The following AKIRIN2 variants were observed in gnomAD, a reference collection of about 807,000 sequenced individuals.
AKIRIN2 encodes akirin 2.
A neutral mutation model predicts 29.3 loss-of-function variants in AKIRIN2; 6 were observed. The ratio of observed to expected loss-of-function variants is 0.20; its 90% CI spans 0.11 to 0.40. The LOEUF (loss-of-function observed/expected upper bound fraction) is 0.40, where lower values mean the gene tolerates loss of function less well. AKIRIN2 is among the 10% of genes least tolerant of loss of function. The pLI, the probability that AKIRIN2 is intolerant of heterozygous loss-of-function variation, is 1.00. For missense variants in AKIRIN2, 210 were observed against 276.1 expected (o/e 0.76, Z 1.70); for synonymous variants, 128 against 117.5 (o/e 1.09, Z -0.58).
At chr6:87,692,704 C>G (rs1052367881) in intron 1 of AKIRIN2, among the ~76,000 whole-genome samples, 1 of 152,164 alleles carries the variant, frequency 6.6e-6, no homozygotes, top group Non-Finnish European at 1.5e-5. Context: ...CCCCGCTACT[C>G]AGAAGGCTAA....
chr6:87,679,720 C>T (rs993225261), intron 2 of AKIRIN2, among the ~76,000 whole-genome samples: 2 of 152,198 alleles, frequency 1.3e-5, no homozygotes, highest in African/African-American at 4.8e-5. Flanking sequence ...GCAGCTGCAA[C>T]ATCAGCATCT....
In AKIRIN2 at chr6:87,701,447, C is replaced by T; in HGVS notation, c.235+3G>A. The stretch of plus-strand genomic sequence containing the variant: ...CCCCGGCGGCCGCGGGGCCGGGTCC[C>T]ACCTGTGGTGAGGCGGGAGGAGACG... On this transcript the variant is annotated splice_donor_region_variant and intron_variant, in intron 1 of 4. Transcript: ENST00000257787. The T allele has an allele frequency of 5.2e-6, 8 of 1,531,118 alleles. No individual in the cohort carries two copies. Among genetic ancestry groups the T allele is most frequent in the Non-Finnish European group, 7.0e-6 (8 of 1,140,860 alleles). The allele number at this position is 1,531,118 out of a possible 1,614,324, so 94.8% of individuals were successfully genotyped here.
chr6:87,676,603 A>G (rs1308819974), intron 3 of AKIRIN2, among the ~76,000 whole-genome samples: 57 of 66,774 alleles, frequency 8.5e-4, no homozygotes, highest in Middle Eastern at 0.015. Context: ...AAAAACACAC[A>G]CACACACACA....
rs1164718983 is a variant in AKIRIN2, at chr6:87,701,742, A to G, written c.-58T>C. 1 of 1,258,266 alleles carries G rather than the reference A, an allele frequency of 7.9e-7. No homozygotes were observed. The highest frequency in any genetic ancestry group is 3.0e-5 in the East Asian group (1 of 32,802). 77.9% of individuals were successfully genotyped at this position (1,258,266 alleles called of 1,614,324 possible). On this transcript the variant is annotated 5_prime_UTR_variant, in exon 1 of 5. Transcript: ENST00000257787. ...GGGGTCGGGGACGGGTGACGAAAGA[A>G]GAGGGTGAGGGAAGGGGTGAAGAGC...
intron 1 of AKIRIN2, among the ~76,000 whole-genome samples, chr6:87,686,506 A>C (rs1771190866): frequency 6.6e-6 from 1 of 152,086 alleles, no homozygotes; most frequent in Admixed American, 6.6e-5. Flanking sequence ...CCATAAATTT[A>C]AGTTCTAAAA....
chr6:87,682,393 T>C (rs891162932), intron 1 of AKIRIN2, among the ~76,000 whole-genome samples: 10 of 152,298 alleles, frequency 6.6e-5, no homozygotes, highest in South Asian at 4.1e-4. Flanking sequence ...TGTAAAGTGA[T>C]TGGTACATGA....
At chr6:87,694,931 A>G (rs975386732) in intron 1 of AKIRIN2, among the ~76,000 whole-genome samples, 2 of 152,228 alleles carry the variant, frequency 1.3e-5, no homozygotes, top group African/African-American at 2.4e-5. Flanking sequence ...TGAAAAACTA[A>G]CATCCACTAG....
intron 1 of AKIRIN2, among the ~76,000 whole-genome samples, chr6:87,683,570 A>T (rs1771147504): frequency 1.3e-5 from 2 of 152,256 alleles, no homozygotes; most frequent in African/African-American, 4.8e-5. Flanking sequence ...CTAATGTAAC[A>T]TCCAGTATCA....
chr6:87,677,708 T>C, intron 3 of AKIRIN2, 110 bp downstream of exon 3: 1 of 1,304,564 alleles, frequency 7.7e-7, no homozygotes, highest in Non-Finnish European at 1.0e-6. Flanking sequence ...ATTTTCTCAT[T>C]CTCAGAGAAT....
At position 87,677,882 on chromosome 6, in the gene AKIRIN2, C is replaced by G. The variant is rs200788620; in HGVS notation, c.465G>C (p.Leu155Phe). Residue 155 changes from leucine (L) to phenylalanine (F), a missense_variant, in exon 3 of 5, where the codon TTG (leucine) becomes TTC (phenylalanine). Physicochemically the swap from Leu to Phe is conservative, Grantham distance 22. Around this residue, in one of 2 missense-constraint regions of AKIRIN2, gnomAD observed 199 missense variants for 236.5 expected, o/e 0.84. Coordinates refer to ENST00000257787, the MANE Select transcript of AKIRIN2 (RefSeq NM_018064.4). ...GAACTTTCTCTTCACGTTCTTTCAA[C>G]AAACGTTCACAGATCATCCCAACCT... ...LRQVGMICER[L>F]LKEREEKVRE... 6.4e-5 allele frequency: 104 copies of G among 1,613,960 alleles called. No individual in the cohort carries two copies. The highest frequency in any genetic ancestry group is 7.1e-5 in the Non-Finnish European group (84 of 1,180,010).
chr6:87,677,054 G>C (rs1771024138), intron 3 of AKIRIN2, among the ~76,000 whole-genome samples: 1 of 151,410 alleles, frequency 6.6e-6, no homozygotes, highest in South Asian at 2.1e-4. Flanking sequence ...TCCAGCCTTG[G>C]GTGACAGAGT....
At chr6:87,697,262 G>C (rs566626559) in intron 1 of AKIRIN2, among the ~76,000 whole-genome samples, 27 of 148,006 alleles carry the variant, frequency 1.8e-4, no homozygotes, top group African/African-American at 6.8e-4. Context: ...GCAATGAGTT[G>C]AGATCATGCC....
At chr6:87,696,968 T>C (rs544362634) in intron 1 of AKIRIN2, among the ~76,000 whole-genome samples, 4 of 151,916 alleles carry the variant, frequency 2.6e-5, no homozygotes, top group Middle Eastern at 3.4e-3. Context: ...ATTGCGCCAC[T>C]GCACTCTAGC....
At chr6:87,677,357 A>G (rs1771033910) in intron 3 of AKIRIN2, among the ~76,000 whole-genome samples, 1 of 152,216 alleles carries the variant, frequency 6.6e-6, no homozygotes, top group Non-Finnish European at 1.5e-5. Flanking sequence ...GTGGCTAAAC[A>G]TTCTATTTAT....
intron 1 of AKIRIN2, among the ~76,000 whole-genome samples, chr6:87,698,252 C>G (rs1771402193): frequency 6.6e-6 from 1 of 151,950 alleles, no homozygotes; most frequent in Non-Finnish European, 1.5e-5. Flanking sequence ...GCTGACACCC[C>G]ACATGAGGGT....
At chr6:87,697,440 A>G (rs1771388875) in intron 1 of AKIRIN2, among the ~76,000 whole-genome samples, 1 of 152,224 alleles carries the variant, frequency 6.6e-6, no homozygotes, top group African/African-American at 2.4e-5. Context: ...ACAGTCCTAA[A>G]TAGAATATCA....
At chr6:87,679,371 A>C (rs1040794599) in intron 2 of AKIRIN2, among the ~76,000 whole-genome samples, 3 of 143,976 alleles carry the variant, frequency 2.1e-5, no homozygotes, top group African/African-American at 8.8e-5. Context: ...TAAAAATACA[A>C]AGATTGGCTG....
chr6:87,696,916 G>A (rs1022527603), intron 1 of AKIRIN2, among the ~76,000 whole-genome samples: 7 of 151,858 alleles, frequency 4.6e-5, no homozygotes, highest in African/African-American at 1.2e-4. Flanking sequence ...TGAGGCAGGA[G>A]AATCTCTTGA....
At chr6:87,677,289 C>A (rs1771031870) in intron 3 of AKIRIN2, among the ~76,000 whole-genome samples, 1 of 151,994 alleles carries the variant, frequency 6.6e-6, no homozygotes, top group African/African-American at 2.4e-5. Context: ...TACATTAACA[C>A]CTCTATATTA....
Sources: gnomAD v4.1 joint callset for allele counts (sites outside exome capture counted in the v4.1 genomes callset) on GRCh38, gnomAD v4.1.1 for gene constraint, gnomAD v4.1.1 regional missense constraint, MANE v1.5 for transcripts, NCBI Gene and HGNC (gene_info 2026-07-23, HGNC 2026-07-21) for gene names.